The following PCDH7 variants were observed in gnomAD, a reference collection of about 807,000 sequenced individuals.
PCDH7 encodes the protein protocadherin-7.
A neutral mutation model predicts 58.9 loss-of-function variants in PCDH7; 17 were observed. The ratio of observed to expected loss-of-function variants is 0.29; its 90% CI spans 0.20 to 0.43. The LOEUF (loss-of-function observed/expected upper bound fraction) is 0.43, where lower values mean the gene tolerates loss of function less well. PCDH7 is among the 20% of genes least tolerant of loss of function. The pLI, the probability that PCDH7 is intolerant of heterozygous loss-of-function variation, is 1.00. For missense variants in PCDH7, 1,274 were observed against 1,441.0 expected (o/e 0.88, Z 1.88); for synonymous variants, 664 against 616.4 (o/e 1.08, Z -1.14).
chr4:30,948,002 G>T (rs995481726), intron 2 of PCDH7, among the ~76,000 whole-genome samples: 1 of 151,830 alleles, frequency 6.6e-6, no homozygotes, highest in African/African-American at 2.4e-5. Context: ...TAAGATTCCA[G>T]CTTCATTTTT....
At chr4:30,742,762 G>A (rs540713495) in intron 1 of PCDH7, among the ~76,000 whole-genome samples, 8 of 151,878 alleles carry the variant, frequency 5.3e-5, no homozygotes, top group African/African-American at 1.9e-4. Context: ...GTTTTAATTC[G>A]GCTTCATATG....
chr4:30,966,849 T>C (rs1488516419), intron 3 of PCDH7, among the ~76,000 whole-genome samples: 1 of 152,108 alleles, frequency 6.6e-6, no homozygotes. Context: ...CCTATTATTC[T>C]TGTGAGAGAA....
chr4:30,772,222 C>A (rs1333745913), intron 1 of PCDH7, among the ~76,000 whole-genome samples: 1 of 152,110 alleles, frequency 6.6e-6, no homozygotes, highest in Non-Finnish European at 1.5e-5. Context: ...GTATAACCAA[C>A]CTGAAACATG....
In PCDH7 at chr4:30,721,454, G is replaced by A. The variant is rs1227468952; in HGVS notation, c.32G>A (p.Arg11His). ...AGGATGCGGACCGCGGGATGGGCGC[G>A]CGGCTGGTGCTTGGGCTGCTGCCTC... is the stretch of plus-strand genomic sequence containing the variant. Residue 11 changes from arginine (R) to histidine (H), a missense_variant, in exon 1 of 2, where the codon CGC becomes CAC. Around this residue, in one of 3 missense-constraint regions of PCDH7, gnomAD observed 212 missense variants for 255.8 expected, o/e 0.83. Transcript: ENST00000361762. This position sits in a 1 kb window ranked among gnomAD's most constrained non-coding sequence, Gnocchi z 6.7. 3 of 1,546,656 alleles carry A rather than the reference G, an allele frequency of 1.9e-6. No homozygotes were observed. Among genetic ancestry groups the A allele is most frequent in the Non-Finnish European group, 2.6e-6 (3 of 1,150,802 alleles).
At chr4:30,899,330 CT>C (rs994230017) in intron 1 of PCDH7, among the ~76,000 whole-genome samples, 2 of 152,090 alleles carry the variant, frequency 1.3e-5, no homozygotes, top group African/African-American at 4.8e-5. Context: ...TAAAATTGCC[CT>C]TTTTTGACTT....
At chr4:30,782,483 A>G (rs1722926733) in intron 1 of PCDH7, among the ~76,000 whole-genome samples, 1 of 152,216 alleles carries the variant, frequency 6.6e-6, no homozygotes, top group African/African-American at 2.4e-5. Context: ...AGATAGTTAA[A>G]TGCAATCTTG....
intron 3 of PCDH7, among the ~76,000 whole-genome samples, chr4:30,978,569 C>G (rs1056945888): frequency 2.0e-5 from 3 of 152,036 alleles, no homozygotes; most frequent in Non-Finnish European, 4.4e-5. Context: ...GCTACGTGAT[C>G]TCAGGCAAGT....
chr4:30,928,003 T>A (rs1160275987), intron 2 of PCDH7, among the ~76,000 whole-genome samples: 3 of 152,162 alleles, frequency 2.0e-5, no homozygotes, highest in African/African-American at 7.2e-5. Context: ...TAATGTAAGG[T>A]CTTGCTCTGT....
intron 1 of PCDH7, among the ~76,000 whole-genome samples, chr4:30,828,726 A>G (rs970893451): frequency 1.3e-5 from 2 of 152,048 alleles, no homozygotes; most frequent in African/African-American, 4.8e-5. Context: ...TCTACTCGCA[A>G]TATACACATT....
At chr4:31,031,937 A>G (rs1396329875) in intron 3 of PCDH7, among the ~76,000 whole-genome samples, 2 of 152,190 alleles carry the variant, frequency 1.3e-5, no homozygotes, top group African/African-American at 4.8e-5. Flanking sequence ...GATTATTTTA[A>G]TTACACATAA....
intron 3 of PCDH7, among the ~76,000 whole-genome samples, chr4:30,978,436 T>G (rs963750074): frequency 6.6e-6 from 1 of 152,202 alleles, no homozygotes; most frequent in Non-Finnish European, 1.5e-5. Context: ...ATAGCCCATA[T>G]AGCCTTGGTA....
At chr4:30,809,531 T>G (rs1233161985) in intron 1 of PCDH7, among the ~76,000 whole-genome samples, 1 of 152,214 alleles carries the variant, frequency 6.6e-6, no homozygotes, top group African/African-American at 2.4e-5. Context: ...TTTGTGGAAG[T>G]AAGCCCCTTC....
At chr4:30,856,026 T>C (rs1157898085) in intron 1 of PCDH7, among the ~76,000 whole-genome samples, 2 of 152,072 alleles carry the variant, frequency 1.3e-5, no homozygotes, top group Non-Finnish European at 2.9e-5. Flanking sequence ...CCCTCTTGAT[T>C]TTTTTCCCTT....
At chr4:30,738,349 C>T (rs1332914508) in intron 1 of PCDH7, among the ~76,000 whole-genome samples, 1 of 151,896 alleles carries the variant, frequency 6.6e-6, no homozygotes, top group East Asian at 1.9e-4. Context: ...ACTTTCCTTC[C>T]CTTGATGAGC....
chr4:30,949,332 G>GA (rs898279140), intron 2 of PCDH7, among the ~76,000 whole-genome samples: 1 of 151,906 alleles, frequency 6.6e-6, no homozygotes, highest in Non-Finnish European at 1.5e-5. Context: ...AATTCTAAGA[G>GA]AAAAAAATTG....
chr4:31,057,975 C>T (rs1229509410), intron 3 of PCDH7, among the ~76,000 whole-genome samples: 1 of 152,038 alleles, frequency 6.6e-6, no homozygotes, highest in East Asian at 1.9e-4. Context: ...TGGATGCTCA[C>T]AGGAGAGTCT....
chr4:30,775,391 G>T (rs73121569), intron 1 of PCDH7, among the ~76,000 whole-genome samples: 1 of 152,076 alleles, frequency 6.6e-6, no homozygotes, highest in Non-Finnish European at 1.5e-5. Context: ...AACTTGGAGT[G>T]TGTGTGTGAG....
intron 1 of PCDH7, among the ~76,000 whole-genome samples, chr4:30,815,149 A>G (rs1200888630): frequency 2.0e-5 from 3 of 151,990 alleles, no homozygotes; most frequent in Non-Finnish European, 4.4e-5. Context: ...TATATAAATT[A>G]TAATGAAAAA....
intron 1 of PCDH7, among the ~76,000 whole-genome samples, chr4:30,835,715 T>C (rs1022980134): frequency 2.0e-5 from 3 of 152,198 alleles, no homozygotes; most frequent in Non-Finnish European, 4.4e-5. Context: ...AGCCATTATG[T>C]ATATTTCACC....
Sources: allele counts gnomAD v4.1 joint callset (sites outside exome capture counted in the v4.1 genomes callset), GRCh38; gene constraint gnomAD v4.1.1; regional missense constraint gnomAD v4.1.1; non-coding constraint Gnocchi (gnomAD v3.1); transcripts MANE v1.5; gene names NCBI Gene and HGNC (gene_info 2026-07-23, HGNC 2026-07-21).